GPHN: variants seen among roughly 807,000 people sequenced by gnomAD.
GPHN encodes gephyrin.
Under a neutral mutation model 95.5 loss-of-function variants are expected in GPHN, and 17 were observed. The ratio of observed to expected loss-of-function variants is 0.18; its 90% CI spans 0.12 to 0.27. The LOEUF (loss-of-function observed/expected upper bound fraction) is 0.27. Ranked by LOEUF, GPHN falls within the 10% of genes least tolerant of loss-of-function variation. The probability of loss-of-function intolerance (pLI) is 1.00; values close to 1 mark genes in which losing one functional copy is unlikely to be tolerated. For missense variants in GPHN, 660 were observed against 978.1 expected (o/e 0.67, Z 4.34); for synonymous variants, 320 against 322.5 (o/e 0.99, Z 0.08).
chr14:67,325,750 A>G, the GPHN span, among the ~76,000 whole-genome samples: 1 of 151,996 alleles, frequency 6.6e-6, no homozygotes, highest in Admixed American at 6.6e-5. Flanking sequence ...TTTTTCCAAC[A>G]AGGATTTGCT....
At chr14:67,095,869 T>G (rs1343111276) in intron 12 of GPHN, among the ~76,000 whole-genome samples, 2 of 149,278 alleles carry the variant, frequency 1.3e-5, no homozygotes, top group African/African-American at 5.0e-5. Flanking sequence ...GCATGGCACA[T>G]GTATACATAT....
intron 3 of GPHN, among the ~76,000 whole-genome samples, chr14:66,812,740 C>T (rs1423583321): frequency 6.6e-6 from 1 of 152,154 alleles, no homozygotes; most frequent in Non-Finnish European, 1.5e-5. Flanking sequence ...ACTAATCCAG[C>T]TCTATAAAGC....
At chr14:66,935,159 G>C (rs2067045877) in intron 8 of GPHN, among the ~76,000 whole-genome samples, 1 of 152,126 alleles carries the variant, frequency 6.6e-6, no homozygotes, top group Non-Finnish European at 1.5e-5. Flanking sequence ...CAAGGCAACT[G>C]ATAGGTTCAA....
the GPHN span, chr14:67,584,162 T>C: frequency 6.2e-7 from 1 of 1,602,604 alleles, no homozygotes; most frequent in Non-Finnish European, 8.5e-7. Flanking sequence ...CACCCTTAGG[T>C]GTGTCCCCAA....
intron 8 of GPHN, among the ~76,000 whole-genome samples, chr14:66,955,963 C>T (rs2068478353): frequency 6.6e-6 from 1 of 152,070 alleles, no homozygotes; most frequent in Non-Finnish European, 1.5e-5. Flanking sequence ...CATTGATGGA[C>T]ATTTGGGTTG....
intron 1 of GPHN, among the ~76,000 whole-genome samples, chr14:66,525,272 G>C (rs1457328855): frequency 6.6e-6 from 1 of 152,038 alleles, no homozygotes; most frequent in African/African-American, 2.4e-5. Context: ...TTTCATATGT[G>C]TGTTGGCTGC....
chr14:67,321,311 G>C, the GPHN span: 16 of 1,558,586 alleles, frequency 1.0e-5, no homozygotes, highest in Non-Finnish European at 1.4e-5. Context: ...ATGTCATATA[G>C]AGTAATCTAG....
intron 2 of GPHN, among the ~76,000 whole-genome samples, chr14:66,682,478 G>A (rs1202177473): frequency 3.3e-5 from 5 of 152,170 alleles, no homozygotes; most frequent in South Asian, 2.1e-4. Context: ...CTGGCCAGGC[G>A]TGGTGGCTCA....
chr14:67,103,844 C>T (rs972710386), intron 13 of GPHN, among the ~76,000 whole-genome samples: 5 of 151,956 alleles, frequency 3.3e-5, no homozygotes, highest in Admixed American at 6.6e-5. Flanking sequence ...CTCTTTTCCC[C>T]TTTGGATACC....
chr14:67,165,151 T>G lies in GPHN; in HGVS notation c.1911-11T>G, dbSNP rs1327505618. 3 of 1,598,490 alleles carry G rather than the reference T, an allele frequency of 1.9e-6. No homozygotes were observed. The highest frequency in any genetic ancestry group is 1.7e-6 in the Non-Finnish European group (2 of 1,165,850). ...AGCAATCACTAACAAGTGACTCTTT[T>G]TTTCTTCTAGCTTGCCAACAACATT... is the stretch of plus-strand genomic sequence containing the variant. On this transcript the variant is annotated splice_polypyrimidine_tract_variant and intron_variant, in intron 19 of 22. Coordinates refer to ENST00000478722, the MANE Select transcript of GPHN (RefSeq NM_020806.5).
chr14:66,669,790 A>G (rs2153383509), intron 1 of GPHN, among the ~76,000 whole-genome samples: 1 of 152,096 alleles, frequency 6.6e-6, no homozygotes, highest in Non-Finnish European at 1.5e-5. Context: ...TGTATCTTCT[A>G]CTTCTTGATT....
the GPHN span, among the ~76,000 whole-genome samples, chr14:67,283,902 C>T: frequency 1.3e-5 from 2 of 152,152 alleles, no homozygotes; most frequent in Admixed American, 6.5e-5. Flanking sequence ...AGATTTGCTT[C>T]GTTGTCTTAC....
chr14:67,576,743 T>C, the GPHN span, among the ~76,000 whole-genome samples: 1 of 152,070 alleles, frequency 6.6e-6, no homozygotes, highest in Non-Finnish European at 1.5e-5. The surrounding 1 kb of genome is among the most constrained non-coding windows in gnomAD (Gnocchi z 4.0). Context: ...CCTGGGTAAA[T>C]GTTTTACTTG....
chr14:66,638,677 T>A (rs1249887432), intron 1 of GPHN, among the ~76,000 whole-genome samples: 1 of 152,162 alleles, frequency 6.6e-6, no homozygotes, highest in East Asian at 1.9e-4. Context: ...GAATTCAGAA[T>A]TTTTAATTTT....
intron 1 of GPHN, among the ~76,000 whole-genome samples, chr14:66,566,650 G>T (rs2060473369): frequency 6.6e-6 from 1 of 152,152 alleles, no homozygotes; most frequent in Admixed American, 6.6e-5. Flanking sequence ...CCTAGCACTG[G>T]GAGGTAATTA....
At chr14:67,341,755 G>A in the GPHN span, among the ~76,000 whole-genome samples, 1 of 152,236 alleles carries the variant, frequency 6.6e-6, no homozygotes, top group African/African-American at 2.4e-5. Context: ...GGGGAAAGGT[G>A]GGGAAAAGAT....
rs531435997 is a variant in GPHN at position 67,137,717 on chromosome 14, A to G, written c.1749-5645A>G. Among the ~76,000 whole-genome samples the G allele has an allele frequency of 9.9e-5, 15 of 152,194 alleles. No individual in the cohort carries two copies. In the East Asian group the frequency reaches 2.9e-3, roughly 30 times the overall value. ...TATGTGGAGGCTGCAGTGAGCTGTG[A>G]TCACACCACTGCACTCCAGCCTGGG... is the stretch of plus-strand genomic sequence containing the variant. On this transcript the variant is annotated intron_variant, in intron 17 of 22. Transcript: ENST00000478722.
At chr14:66,837,418 G>A (rs1316698158) in intron 4 of GPHN, among the ~76,000 whole-genome samples, 39 of 130,454 alleles carry the variant, frequency 3.0e-4, no homozygotes, top group Non-Finnish European at 4.1e-4. Context: ...CACAGGAAGG[G>A]GAACATCACA....
At chr14:67,572,181 C>A in the GPHN span, 52 of 1,608,100 alleles carry the variant, frequency 3.2e-5, no homozygotes, top group Admixed American at 8.6e-4. Flanking sequence ...ACGCCATCCC[C>A]CCGGACGCCT....
Sources: allele counts gnomAD v4.1 joint callset (sites outside exome capture counted in the v4.1 genomes callset), GRCh38; gene constraint gnomAD v4.1.1; non-coding constraint Gnocchi (gnomAD v3.1); transcripts MANE v1.5; gene names NCBI Gene and HGNC (gene_info 2026-07-23, HGNC 2026-07-21).